Variants in CTNNA3 observed in about 807,000 individuals in gnomAD.
The protein encoded by CTNNA3 is catenin alpha-3.
A neutral mutation model predicts 95.7 loss-of-function variants in CTNNA3; 76 were observed. That is an observed-to-expected ratio of 0.79 (90% CI 0.66 to 0.96). The LOEUF (loss-of-function observed/expected upper bound fraction) is 0.96. Among genes scored for constraint, CTNNA3 ranks in the 40% least tolerant of loss-of-function variants. The pLI, the probability that CTNNA3 is intolerant of heterozygous loss-of-function variation, is 0.00. For missense variants in CTNNA3, 1,191 were observed against 1,089.8 expected, an observed-to-expected ratio of 1.09 and a Z score of -1.31; for synonymous variants, 431 against 374.4, an observed-to-expected ratio of 1.15 and a Z score of -1.74.
At chr10:67,345,786 T>G (rs1842391605) in intron 5 of CTNNA3, among the ~76,000 whole-genome samples, 1 of 152,118 alleles carries the variant, frequency 6.6e-6, no homozygotes, top group Non-Finnish European at 1.5e-5. Flanking sequence ...ATTCAGCCAC[T>G]CAATGTCTTT....
At chr10:66,720,199 AAGAG>A (rs534216398) in intron 9 of CTNNA3, among the ~76,000 whole-genome samples, 25 of 152,242 alleles carry the variant, frequency 1.6e-4, no homozygotes, top group Admixed American at 5.2e-4. Flanking sequence ...AAAAAAATGA[AAGAG>A]AGAAGAAGAG....
At chr10:67,298,362 A>C (rs909457208) in intron 5 of CTNNA3, among the ~76,000 whole-genome samples, 2 of 152,218 alleles carry the variant, frequency 1.3e-5, no homozygotes, top group African/African-American at 2.4e-5. Context: ...GATGGGGTTC[A>C]AGGTTCAGGT....
intron 7 of CTNNA3, among the ~76,000 whole-genome samples, chr10:67,115,991 A>C (rs1365511515): frequency 5.3e-5 from 8 of 152,034 alleles, no homozygotes; most frequent in Non-Finnish European, 8.8e-5. Flanking sequence ...TTTGACAAAA[A>C]AATTTAAAGA....
At chr10:67,060,267 G>A (rs755718501) in intron 7 of CTNNA3, among the ~76,000 whole-genome samples, 6 of 152,242 alleles carry the variant, frequency 3.9e-5, no homozygotes, top group African/African-American at 7.2e-5. Context: ...GCAGTGAGCC[G>A]AGATTGTGCC....
intron 11 of CTNNA3, among the ~76,000 whole-genome samples, chr10:66,419,656 T>C (rs1429647744): frequency 1.3e-5 from 2 of 152,144 alleles, no homozygotes; most frequent in African/African-American, 2.4e-5. Flanking sequence ...AGGGCTATAA[T>C]AACCAAAACA....
intron 5 of CTNNA3, among the ~76,000 whole-genome samples, chr10:67,386,938 C>T (rs1480521576): frequency 2.0e-5 from 3 of 152,180 alleles, no homozygotes; most frequent in Non-Finnish European, 4.4e-5. Flanking sequence ...ACAATTCTCA[C>T]AAAAGTTAAG....
intron 10 of CTNNA3, among the ~76,000 whole-genome samples, chr10:66,576,836 G>T (rs1011160428): frequency 2.6e-5 from 4 of 151,192 alleles, no homozygotes; most frequent in Non-Finnish European, 5.9e-5. Context: ...ATTTTCCTTT[G>T]GGTGTATACC....
At chr10:66,237,266 A>T (rs991765013) in intron 13 of CTNNA3, among the ~76,000 whole-genome samples, 28 of 152,212 alleles carry the variant, frequency 1.8e-4, no homozygotes, top group South Asian at 4.1e-4. Flanking sequence ...CACCAATAGA[A>T]AAGTAATGTA....
At chr10:67,583,693 C>T (rs1842504972) in intron 3 of CTNNA3, among the ~76,000 whole-genome samples, 1 of 152,210 alleles carries the variant, frequency 6.6e-6, no homozygotes, top group Non-Finnish European at 1.5e-5. Context: ...CTTTCAGGTA[C>T]ACCAATCAGA....
At chr10:66,932,375 A>G (rs1463182099) in intron 7 of CTNNA3, among the ~76,000 whole-genome samples, 1 of 152,232 alleles carries the variant, frequency 6.6e-6, no homozygotes, top group African/African-American at 2.4e-5. Context: ...AACAAGCATC[A>G]GGTCATGAAG....
intron 11 of CTNNA3, among the ~76,000 whole-genome samples, chr10:66,394,550 TAAAA>T (rs71035137): frequency 0.067 from 8,634 of 128,100 alleles, 423 homozygotes; most frequent in East Asian, 0.23. Context: ...AGCACTGGGT[TAAAA>T]AAAAAAAAAA....
At chr10:66,126,986 T>C (rs4746550) in intron 13 of CTNNA3, among the ~76,000 whole-genome samples, 32,648 of 151,638 alleles carry the variant, frequency 0.22, 3,666 homozygotes, top group Admixed American at 0.27. Context: ...AGGGGGAAAA[T>C]GGCCGGGCGC....
intron 13 of CTNNA3, among the ~76,000 whole-genome samples, chr10:66,202,553 A>C (rs2087495223): frequency 6.6e-6 from 1 of 152,150 alleles, no homozygotes; most frequent in Non-Finnish European, 1.5e-5. Context: ...TTCTTTGCTC[A>C]ATTAAACGCT....
intron 13 of CTNNA3, among the ~76,000 whole-genome samples, chr10:66,119,344 A>T (rs180892154): frequency 1.3e-5 from 2 of 152,296 alleles, no homozygotes; most frequent in Non-Finnish European, 2.9e-5. Context: ...GAAATTGTTA[A>T]ATTTAATTAC....
At chr10:66,363,217 G>T (rs1387579564) in intron 12 of CTNNA3, among the ~76,000 whole-genome samples, 1 of 152,092 alleles carries the variant, frequency 6.6e-6, no homozygotes, top group Admixed American at 6.6e-5. Flanking sequence ...TTTGAAGAAA[G>T]GACACAAAAC....
chr10:66,013,202 C>T (rs916597664), intron 15 of CTNNA3, among the ~76,000 whole-genome samples: 1 of 152,000 alleles, frequency 6.6e-6, no homozygotes, highest in Non-Finnish European at 1.5e-5. Flanking sequence ...TGCCTGGCCT[C>T]AATGTTTCTT....
At chr10:66,207,522 T>C (rs1181942029) in intron 13 of CTNNA3, among the ~76,000 whole-genome samples, 6 of 152,188 alleles carry the variant, frequency 3.9e-5, no homozygotes, top group Admixed American at 2.6e-4. Context: ...ATTATCCATG[T>C]CTTAGCCATA....
chr10:67,084,803 A>G (rs993564263), intron 7 of CTNNA3, among the ~76,000 whole-genome samples: 5 of 151,994 alleles, frequency 3.3e-5, no homozygotes, highest in Non-Finnish European at 7.4e-5. Context: ...CTACGTTTAT[A>G]AATTAAGGTT....
intron 5 of CTNNA3, among the ~76,000 whole-genome samples, chr10:67,466,116 G>A (rs1395862459): frequency 6.6e-6 from 1 of 152,030 alleles, no homozygotes; most frequent in African/African-American, 2.4e-5. Flanking sequence ...TGGATCTAAA[G>A]ACATACTAAT....
Sources: allele counts gnomAD v4.1 joint callset (sites outside exome capture counted in the v4.1 genomes callset), GRCh38; gene constraint gnomAD v4.1.1; transcripts MANE v1.5; gene names NCBI Gene and HGNC (gene_info 2026-07-23, HGNC 2026-07-21).